The following ATP8B1 variants were observed in gnomAD, a reference collection of about 807,000 sequenced individuals.
ATP8B1 encodes the protein phospholipid-transporting ATPase IC.
In ATP8B1, 80 loss-of-function variants were observed where a neutral mutation model predicts 149.9. The observed-to-expected ratio is 0.53, with a 90% CI of 0.45 to 0.64. The LOEUF is 0.64. ATP8B1 is among the 30% of genes least tolerant of loss of function. ATP8B1 has a pLI of 0.00. For synonymous variants in ATP8B1, 536 were observed against 562.8 expected (o/e 0.95, Z 0.67); for missense variants, 1,247 against 1,552.6 (o/e 0.80, Z 3.31).
intron 2 of ATP8B1, chr18:57,731,419 G>T: frequency 5.7e-6 from 3 of 525,416 alleles, no homozygotes; most frequent in South Asian, 2.1e-5. Context: ...TGCAGAACTT[G>T]TCAGATATGC....
Position 57,713,157 on chromosome 18 carries a change from C to CTCTTTCTTTCTTTCTT in ATP8B1, c.182-6586_182-6571dup, listed in dbSNP as rs760611716. ...GTGCTTTGTCTTGCTCTTGATCTTT[C>CTCTTTCTTTCTTTCTT]TCTTTCTTTCTTTCTTTCTTTCTTT... On this transcript the variant is annotated intron_variant, in intron 2 of 27. Transcript: ENST00000648908. Among the ~76,000 whole-genome samples, 292 of 91,946 alleles carry CTCTTTCTTTCTTTCTT rather than the reference C, an allele frequency of 3.2e-3. 11 individuals are homozygous for CTCTTTCTTTCTTTCTT. The highest frequency in any genetic ancestry group is 6.0e-3 in the South Asian group (13 of 2,164). The allele number at this position is 91,946 out of a possible 152,430, so 60.3% of individuals were successfully genotyped here. A position where few individuals can be genotyped will look rare whatever the true frequency, so the allele number is the denominator to read the frequency against.
chr18:57,730,240 G>C (rs758016575), intron 2 of ATP8B1, among the ~76,000 whole-genome samples: 1 of 149,616 alleles, frequency 6.7e-6, no homozygotes, highest in Non-Finnish European at 1.5e-5. Flanking sequence ...AACTAGAGGG[G>C]GGGTTTGGCA....
chr18:57,731,898 G>A, intron 1 of ATP8B1, 66 bp from the exon 2 acceptor site: 2 of 1,384,402 alleles, frequency 1.4e-6, no homozygotes, highest in Non-Finnish European at 2.1e-6. Context: ...AATACTGCCT[G>A]CATGCTGCTA....
At chr18:57,675,586 C>T (rs1911539435) in intron 15 of ATP8B1, among the ~76,000 whole-genome samples, 1 of 152,098 alleles carries the variant, frequency 6.6e-6, no homozygotes, top group African/African-American at 2.4e-5. Flanking sequence ...TTTTTAGAGA[C>T]AGAGGTCTCC....
chr18:57,699,970 T>C (rs1277513504), intron 6 of ATP8B1, among the ~76,000 whole-genome samples: 2 of 152,208 alleles, frequency 1.3e-5, no homozygotes, highest in East Asian at 1.9e-4. Context: ...GAGCAGCCCC[T>C]GCAGTGGGGT....
At chr18:57,653,170 A>G (rs1305217170) in intron 24 of ATP8B1, among the ~76,000 whole-genome samples, 3 of 152,100 alleles carry the variant, frequency 2.0e-5, no homozygotes, top group Non-Finnish European at 4.4e-5. Context: ...TTAGATAAAA[A>G]TATGCACTAG....
At chr18:57,800,790 T>C (rs2080566119) in intron 1 of ATP8B1, among the ~76,000 whole-genome samples, 1 of 152,178 alleles carries the variant, frequency 6.6e-6, no homozygotes, top group East Asian at 1.9e-4. Flanking sequence ...GGAAAAGAAC[T>C]GAAATCTGTG....
intron 1 of ATP8B1, among the ~76,000 whole-genome samples, chr18:57,785,516 G>A (rs1218318936): frequency 6.6e-6 from 1 of 151,998 alleles, no homozygotes; most frequent in Non-Finnish European, 1.5e-5. Flanking sequence ...GTTCTGTTTT[G>A]TTTTTTTGAG....
intron 1 of ATP8B1, among the ~76,000 whole-genome samples, chr18:57,799,792 A>G (rs575398556): frequency 2.0e-5 from 3 of 152,220 alleles, no homozygotes; most frequent in East Asian, 3.9e-4. Flanking sequence ...ATATACATAC[A>G]TGCACATATA....
At chr18:57,733,045 G>A (rs1026158634) in intron 1 of ATP8B1, among the ~76,000 whole-genome samples, 1 of 152,030 alleles carries the variant, frequency 6.6e-6, no homozygotes, top group Non-Finnish European at 1.5e-5. Flanking sequence ...AACTACCACT[G>A]CCCACTCTGT....
intron 6 of ATP8B1, 106 bp downstream of exon 6, chr18:57,700,933 T>G: frequency 8.3e-7 from 1 of 1,211,506 alleles, no homozygotes; most frequent in Non-Finnish European, 1.2e-6. Flanking sequence ...AATAAACAGT[T>G]AATGTACTAA....
chr18:57,656,097 C>T (rs928124494), intron 22 of ATP8B1, among the ~76,000 whole-genome samples: 5 of 152,124 alleles, frequency 3.3e-5, no homozygotes, highest in Non-Finnish European at 7.3e-5. Flanking sequence ...TTTAGAGGAA[C>T]CTCTTATCAC....
intron 1 of ATP8B1, among the ~76,000 whole-genome samples, chr18:57,789,876 C>G (rs1417371372): frequency 6.6e-6 from 1 of 152,172 alleles, no homozygotes; most frequent in Non-Finnish European, 1.5e-5. Flanking sequence ...GCTTCCGAAG[C>G]GTTTCCAGCA....
Position 57,648,310 on chromosome 18 carries a change from T to C in ATP8B1, c.*178A>G, listed in dbSNP as rs1384175571. 1 of 802,138 alleles carries C rather than the reference T, an allele frequency of 1.2e-6. No homozygotes were observed. Among genetic ancestry groups the C allele is most frequent in the Non-Finnish European group, 2.0e-6 (1 of 489,458 alleles). 49.7% of individuals were successfully genotyped at this position (802,138 alleles called of 1,614,324 possible). A position where few individuals can be genotyped will look rare whatever the true frequency, so the allele number is the denominator to read the frequency against. On this transcript the variant is annotated 3_prime_UTR_variant, in exon 28 of 28. Transcript: ENST00000648908. ...CGAATAATAGGACTTTTAAAAGTCC[T>C]ATTTCTTGGCTCTGCTATTGTTTAA...
At chr18:57,713,196 T>TTTCTTTCTTTCTTTCTTTCC (rs1913791192) in intron 2 of ATP8B1, among the ~76,000 whole-genome samples, 9 of 89,976 alleles carry the variant, frequency 1.0e-4, no homozygotes, top group South Asian at 3.4e-4. Context: ...TCTTTCTTTC[T>TTTCTTTCTTTCTTTCTTTCC]TTCCTTCCTT....
intron 19 of ATP8B1, 154 bp downstream of exon 19, chr18:57,668,275 A>G (rs1911005202): frequency 7.5e-7 from 1 of 1,340,016 alleles, no homozygotes; most frequent in Non-Finnish European, 1.0e-6. Context: ...TGTGCTGGAA[A>G]AACAGAGGAG....
At chr18:57,731,380 C>CAG in intron 2 of ATP8B1, 1 of 280,652 alleles carries the variant, frequency 3.6e-6, no homozygotes, top group Non-Finnish European at 6.7e-6. Flanking sequence ...TATATACACA[C>CAG]ACTAACAAAG....
chr18:57,655,456 C>G (rs370202394), intron 22 of ATP8B1, 39 bp from the exon 23 acceptor site: 2 of 1,571,056 alleles, frequency 1.3e-6, no homozygotes, highest in Non-Finnish European at 1.8e-6. Flanking sequence ...GATCATAAAC[C>G]GATTGTGAGG....
intron 20 of ATP8B1, among the ~76,000 whole-genome samples, chr18:57,665,026 A>T (rs527830629): frequency 1.1e-4 from 17 of 151,998 alleles, no homozygotes; most frequent in Non-Finnish European, 2.5e-4. Flanking sequence ...CCTGGCCTCT[A>T]CCCACTAGAA....
Sources: allele counts gnomAD v4.1 joint callset (sites outside exome capture counted in the v4.1 genomes callset), GRCh38; gene constraint gnomAD v4.1.1; transcripts MANE v1.5; gene names NCBI Gene and HGNC (gene_info 2026-07-23, HGNC 2026-07-21).